Variants in TOX3 observed in about 807,000 individuals in gnomAD.
The protein encoded by TOX3 is TOX high mobility group box family member 3, also known as CAG trinucleotide repeat-containing gene F9 protein.
Under a neutral mutation model 64.3 loss-of-function variants are expected in TOX3, and 22 were observed. That is an observed-to-expected ratio of 0.34 (90% CI 0.24 to 0.49). The LOEUF (loss-of-function observed/expected upper bound fraction) is 0.49. TOX3 is among the 20% of genes least tolerant of loss of function. The pLI, the probability that TOX3 is intolerant of heterozygous loss-of-function variation, is 0.99. For missense variants in TOX3, 661 were observed against 714.4 expected (o/e 0.93, Z 0.85); for synonymous variants, 291 against 273.6 (o/e 1.06, Z -0.63).
At chr16:52,494,750 T>C (rs1961793294) in intron 1 of TOX3, among the ~76,000 whole-genome samples, 1 of 152,232 alleles carries the variant, frequency 6.6e-6, no homozygotes, top group Admixed American at 6.5e-5. Context: ...CATCAATAAA[T>C]ATTGACTCAG....
chr16:52,469,123 G>A (rs952548661), intron 1 of TOX3, among the ~76,000 whole-genome samples: 4 of 152,184 alleles, frequency 2.6e-5, no homozygotes, highest in Non-Finnish European at 5.9e-5. Context: ...AGAGCTTAAA[G>A]CGATATCTAT....
At chr16:52,498,864 A>C (rs1961923903) in intron 1 of TOX3, among the ~76,000 whole-genome samples, 1 of 152,246 alleles carries the variant, frequency 6.6e-6, no homozygotes, top group South Asian at 2.1e-4. Context: ...TTACGTATTC[A>C]AATGAAGGAT....
chr16:52,484,601 A>G (rs529089032), intron 1 of TOX3, among the ~76,000 whole-genome samples: 2 of 152,210 alleles, frequency 1.3e-5, no homozygotes, highest in East Asian at 3.9e-4. Flanking sequence ...ATTCTGATTA[A>G]CTCCTATGTG....
chr16:52,512,399 G>A (rs1962335047), intron 1 of TOX3, among the ~76,000 whole-genome samples: 1 of 152,162 alleles, frequency 6.6e-6, no homozygotes, highest in African/African-American at 2.4e-5. Flanking sequence ...CTTGACTCCA[G>A]AGATAATCCA....
At chr16:52,533,866 G>T (rs1441702419) in intron 1 of TOX3, among the ~76,000 whole-genome samples, 3 of 152,136 alleles carry the variant, frequency 2.0e-5, no homozygotes, top group African/African-American at 7.2e-5. Context: ...GCTGTTTGCA[G>T]AACAAAGAAT....
chr16:52,503,623 G>A (rs1319280153), intron 1 of TOX3, among the ~76,000 whole-genome samples: 3 of 152,154 alleles, frequency 2.0e-5, no homozygotes, highest in African/African-American at 7.2e-5. Flanking sequence ...AAAAAGGAAA[G>A]GCAATCAGAA....
rs1963209569 is a variant in TOX3 at position 52,546,892 on chromosome 16, C to G, written c.-169G>C. On this transcript the variant is annotated 5_prime_UTR_variant, in exon 1 of 7. Transcript: ENST00000219746. ...GCCCGAGGAGCTCGGGAGCCGCGGC[C>G]GCCGCACACAAAGGCGCGGCCACGC... The G allele has an allele frequency of 8.7e-6, 10 of 1,151,376 alleles. No homozygotes were observed. In the South Asian group the frequency reaches 3.5e-4, roughly 40 times the overall value. 71.3% of individuals were successfully genotyped at this position (1,151,376 alleles called of 1,614,324 possible).
rs190809661 is a variant in TOX3 at position 52,468,426 on chromosome 16, A to G, written c.153+83T>C. 57 of 1,244,158 alleles carry G rather than the reference A, an allele frequency of 4.6e-5. No individual in the cohort carries two copies. In the African/African-American group the frequency reaches 6.5e-4, roughly 14 times the overall value. The allele number at this position is 1,244,158 out of a possible 1,614,324, so 77.1% of individuals were successfully genotyped here. A position where few individuals can be genotyped will look rare whatever the true frequency, so the allele number is the denominator to read the frequency against. ...GCCACATAAGAGAGAGATAAATTTG[A>G]TACTTTGTTTTTCCCTTCAAGCCTA... On this transcript the variant is annotated intron_variant, in intron 2 of 6. Transcript: ENST00000219746.
At chr16:52,503,937 G>T in intron 1 of TOX3, among the ~76,000 whole-genome samples, 1 of 152,082 alleles carries the variant, frequency 6.6e-6, no homozygotes, top group Admixed American at 6.5e-5. Flanking sequence ...ATCATTGTTT[G>T]TAAAATCCAA....
intron 1 of TOX3, among the ~76,000 whole-genome samples, chr16:52,472,430 G>C (rs779121901): frequency 6.6e-6 from 1 of 152,142 alleles, no homozygotes; most frequent in Non-Finnish European, 1.5e-5. Context: ...TATTTTCCCT[G>C]AATCTTTCTT....
intron 1 of TOX3, among the ~76,000 whole-genome samples, chr16:52,490,779 A>G (rs1246467951): frequency 1.3e-5 from 2 of 151,422 alleles, no homozygotes; most frequent in Non-Finnish European, 1.5e-5. Context: ...ACAGGTGCAC[A>G]CCATCACACC....
chr16:52,451,596 A>G (rs1265842850), intron 3 of TOX3, among the ~76,000 whole-genome samples: 1 of 152,164 alleles, frequency 6.6e-6, no homozygotes, highest in African/African-American at 2.4e-5. Context: ...AATTTTATAC[A>G]CAAGCCTATG....
intron 1 of TOX3, chr16:52,519,554 G>GA: frequency 1.3e-6 from 2 of 1,505,562 alleles, no homozygotes; most frequent in Non-Finnish European, 8.9e-7. Context: ...TGCTGGATGG[G>GA]GTTCAGTGAG....
intron 1 of TOX3, among the ~76,000 whole-genome samples, chr16:52,514,716 A>G (rs1302309626): frequency 6.6e-6 from 1 of 152,132 alleles, no homozygotes; most frequent in African/African-American, 2.4e-5. Flanking sequence ...ACAGCTAACT[A>G]TAAAAGGACC....
intron 1 of TOX3, among the ~76,000 whole-genome samples, chr16:52,493,153 G>C (rs1313167358): frequency 2.0e-5 from 3 of 152,044 alleles, no homozygotes; most frequent in African/African-American, 7.2e-5. Context: ...TTATAACTGG[G>C]GCAACGGGAA....
chr16:52,543,645 T>C (rs2151492486), intron 1 of TOX3, among the ~76,000 whole-genome samples: 1 of 152,310 alleles, frequency 6.6e-6, no homozygotes, highest in East Asian at 1.9e-4. Context: ...AAATGGAAAT[T>C]AGCCCTTAGG....
intron 3 of TOX3, among the ~76,000 whole-genome samples, chr16:52,463,575 T>C (rs1239673678): frequency 6.6e-6 from 1 of 152,246 alleles, no homozygotes; most frequent in Non-Finnish European, 1.5e-5. Context: ...CTTAGGCACC[T>C]GATAAGGACT....
intron 1 of TOX3, among the ~76,000 whole-genome samples, chr16:52,498,265 T>C (rs762088872): frequency 2.6e-5 from 4 of 152,186 alleles, no homozygotes; most frequent in South Asian, 2.1e-4. Context: ...TTCAACTGAA[T>C]AGGAAGGGAA....
At chr16:52,483,650 C>T (rs1046997282) in intron 1 of TOX3, among the ~76,000 whole-genome samples, 1 of 140,096 alleles carries the variant, frequency 7.1e-6, no homozygotes, top group Admixed American at 7.4e-5. Context: ...CTCACTTCAA[C>T]CTCTGCCTCC....
Sources: gnomAD v4.1 joint callset for allele counts (sites outside exome capture counted in the v4.1 genomes callset) on GRCh38, gnomAD v4.1.1 for gene constraint, MANE v1.5 for transcripts, NCBI Gene and HGNC (gene_info 2026-07-23, HGNC 2026-07-21) for gene names.